Variants in CAMLG observed in about 807,000 individuals in gnomAD.
CAMLG encodes calcium modulating ligand.
In CAMLG, 23 loss-of-function variants were observed where a neutral mutation model predicts 28.9. The observed-to-expected ratio is 0.80, with a 90% confidence interval of 0.57 to 1.13. The LOEUF (loss-of-function observed/expected upper bound fraction) is 1.13. Among genes scored for constraint, CAMLG ranks in the 50% most tolerant of loss-of-function variants. The pLI is 0.00. For synonymous variants in CAMLG, 141 were observed against 146.5 expected (o/e 0.96, Z 0.27); for missense variants, 367 against 371.9 (o/e 0.99, Z 0.11).
chr5:134,738,931 G>T (rs770822137), intron 1 of CAMLG, 139 bp downstream of exon 1: 356 of 825,310 alleles, frequency 4.3e-4, no homozygotes, highest in Non-Finnish European at 6.4e-4. Flanking sequence ...CGCCCCTTCG[G>T]TGATATCCCA....
intron 1 of CAMLG, among the ~76,000 whole-genome samples, 195 bp from the exon 2 acceptor site, chr5:134,740,868 A>C (rs867995324): frequency 1.3e-4 from 20 of 152,288 alleles, no homozygotes; most frequent in Middle Eastern, 3.4e-3. Context: ...TCAGCCTCCC[A>C]AAGTGTTGGG....
Position 134,741,315 on chromosome 5 carries a change from A to G in CAMLG, c.425A>G (p.Asp142Gly). ...RQRNRGDLTA[D>G]SVQRGSRHGL... ...CGGAACAGAGGGGACCTGACAGCGG[A>G]CTCGGTCCAGAGGGGTTCCCGCCAT... The change falls in exon 2 of 4, where the codon GAC (aspartate) becomes GGC (glycine). Residue 142 changes from aspartate (D) to glycine (G), a missense_variant. Transcript: ENST00000297156. The G allele has an allele frequency of 1.2e-6, 2 of 1,614,124 alleles. No homozygotes were observed. Among genetic ancestry groups the G allele is most frequent in the South Asian group, 2.2e-5 (2 of 91,076 alleles).
chr5:134,741,802 C>T (rs965093375), intron 2 of CAMLG, among the ~76,000 whole-genome samples: 8 of 152,156 alleles, frequency 5.3e-5, no homozygotes, highest in Middle Eastern at 3.4e-3. Context: ...TGGATTTAGC[C>T]GGGCGTGGTG....
chr5:134,748,534 T>C (rs932634354), intron 3 of CAMLG, among the ~76,000 whole-genome samples: 19 of 152,072 alleles, frequency 1.2e-4, no homozygotes, highest in Admixed American at 1.3e-4. Context: ...CAAGACTACG[T>C]CTCAAACAAA....
intron 3 of CAMLG, among the ~76,000 whole-genome samples, chr5:134,750,036 AAGTC>A (rs1416801104): frequency 2.6e-5 from 4 of 152,158 alleles, no homozygotes; most frequent in Non-Finnish European, 4.4e-5. Flanking sequence ...ACTTCCTCTG[AAGTC>A]CTCCTTGTGC....
chr5:134,739,241 T>G (rs17713112), intron 1 of CAMLG, among the ~76,000 whole-genome samples: 7,264 of 152,248 alleles, frequency 0.048, 269 homozygotes, highest in Non-Finnish European at 0.064. Flanking sequence ...GCTGTGTAAC[T>G]CCTGTCCGCC....
At position 134,741,185 on chromosome 5, in the gene CAMLG, C is replaced by G; in HGVS notation, c.295C>G (p.Gln99Glu). The G allele has an allele frequency of 6.2e-7, 1 of 1,614,062 alleles. No homozygotes were observed. Among genetic ancestry groups the G allele is most frequent in the Non-Finnish European group, 8.5e-7 (1 of 1,179,928 alleles). ...AGTCAGTACAGGAACAACTGACCAG[C>G]AGGGTGGTGTGGCCGAGGTAAAGGG... ...DSVSTGTTDQ[Q>E]GGVAEVKGTQ... is the part of the protein sequence containing the mutation. Residue 99 changes from glutamine to glutamate, a missense_variant, in exon 2 of 4, where the codon CAG becomes GAG. Transcript: ENST00000297156.
chr5:134,746,545 G>A (rs1297137047), intron 3 of CAMLG, among the ~76,000 whole-genome samples: 3 of 151,952 alleles, frequency 2.0e-5, no homozygotes, highest in Admixed American at 6.6e-5. Context: ...GCAGTGGCAC[G>A]ATCTCAGCTC....
chr5:134,740,231 A>C (rs1752966698), intron 1 of CAMLG, among the ~76,000 whole-genome samples: 1 of 152,138 alleles, frequency 6.6e-6, no homozygotes, highest in South Asian at 2.1e-4. Flanking sequence ...ACCCCAGAGT[A>C]GTGTCTTAAA....
chr5:134,738,550 C>G lies in CAMLG; in HGVS notation c.-71C>G. On this transcript the variant is annotated 5_prime_UTR_variant, in exon 1 of 4. Coordinates refer to ENST00000297156, the MANE Select transcript of CAMLG (RefSeq NM_001745.4). Reference sequence around the variant, plus strand: ...GGACGCGCGCCCTGCGGCCCGGCCTCTAGTCATCGCCCTCGCAGCGGCGGC... The same window carrying G: ...GGACGCGCGCCCTGCGGCCCGGCCTGTAGTCATCGCCCTCGCAGCGGCGGC... 7.5e-7 allele frequency: 1 copy of G among 1,335,326 alleles called. No homozygotes were observed. Among genetic ancestry groups the G allele is most frequent in the Admixed American group, 2.7e-5 (1 of 36,934 alleles). The allele number at this position is 1,335,326 out of a possible 1,614,324, so 82.7% of individuals were successfully genotyped here. A position where few individuals can be genotyped will look rare whatever the true frequency, so the allele number is the denominator to read the frequency against.
At chr5:134,748,098 A>AT (rs1413111088) in intron 3 of CAMLG, among the ~76,000 whole-genome samples, 3 of 151,480 alleles carry the variant, frequency 2.0e-5, no homozygotes, top group African/African-American at 7.3e-5. Flanking sequence ...TCCTGACCTG[A>AT]TTATCTGCCC....
Position 134,750,997 on chromosome 5 carries a change from T to C in CAMLG, c.*47T>C. ...GAAGCTTACAAAAAAAAAAAAATCCTCTTCTATATTGCAGTGTCTCTAAAG... is the reference window on the plus strand; with the variant it reads ...GAAGCTTACAAAAAAAAAAAAATCCCCTTCTATATTGCAGTGTCTCTAAAG... On this transcript the variant is annotated 3_prime_UTR_variant, in exon 4 of 4. Coordinates refer to ENST00000297156, the MANE Select transcript of CAMLG (RefSeq NM_001745.4). 7.5e-7 allele frequency: 1 copy of C among 1,333,174 alleles called. No homozygotes were observed. The highest frequency in any genetic ancestry group is 1.3e-5 in the South Asian group (1 of 78,098). The allele number at this position is 1,333,174 out of a possible 1,614,324, so 82.6% of individuals were successfully genotyped here.
rs765623837 is a variant in CAMLG, at chr5:134,741,317, T to C, written c.427T>C (p.Ser143Pro). ...QRNRGDLTAD[S>P]VQRGSRHGLE... Reference sequence around the variant, plus strand: ...GAACAGAGGGGACCTGACAGCGGACTCGGTCCAGAGGGGTTCCCGCCATGG... The same window carrying C: ...GAACAGAGGGGACCTGACAGCGGACCCGGTCCAGAGGGGTTCCCGCCATGG... Residue 143 changes from serine (S) to proline (P), a missense_variant, in exon 2 of 4, where the codon TCG (serine) becomes CCG (proline). By Grantham distance (74) the Ser-to-Pro change is moderately conservative. Transcript: ENST00000297156. 3 of 1,614,188 alleles carry C rather than the reference T, an allele frequency of 1.9e-6. No individual in the cohort carries two copies. The highest frequency in any genetic ancestry group is 2.5e-6 in the Non-Finnish European group (3 of 1,180,016).
intron 3 of CAMLG, among the ~76,000 whole-genome samples, chr5:134,744,560 CT>C (rs918998063): frequency 6.1e-5 from 9 of 147,834 alleles, no homozygotes; most frequent in African/African-American, 1.8e-4. Flanking sequence ...TAATTAGAAA[CT>C]TTTATAGCAA....
intron 3 of CAMLG, among the ~76,000 whole-genome samples, chr5:134,748,397 GC>G (rs1753076028): frequency 6.6e-6 from 1 of 152,064 alleles, no homozygotes; most frequent in South Asian, 2.1e-4. Flanking sequence ...AATTTGCCGG[GC>G]ATGATGGTGG....
At chr5:134,739,243 C>G (rs1266291644) in intron 1 of CAMLG, among the ~76,000 whole-genome samples, 2 of 152,134 alleles carry the variant, frequency 1.3e-5, no homozygotes, top group African/African-American at 2.4e-5. Flanking sequence ...TGTGTAACTC[C>G]TGTCCGCCCA....
At chr5:134,742,236 C>G (rs890526546) in intron 2 of CAMLG, among the ~76,000 whole-genome samples, 1 of 152,056 alleles carries the variant, frequency 6.6e-6, no homozygotes, top group African/African-American at 2.4e-5. Context: ...TTCTACGGAC[C>G]TTTCTCATTG....
At chr5:134,744,249 C>G (rs889227307) in intron 3 of CAMLG, among the ~76,000 whole-genome samples, 197 bp downstream of exon 3, 1 of 152,080 alleles carries the variant, frequency 6.6e-6, no homozygotes. Flanking sequence ...ATTGGCCGGG[C>G]GCAGTGGCTC....
At position 134,741,167 on chromosome 5, in the gene CAMLG, A is replaced by G. The variant is rs1300474025; in HGVS notation, c.277A>G (p.Thr93Ala). ...AGTAGTGCTGGGTGATTCAGTCAGT[A>G]CAGGAACAACTGACCAGCAGGGTGG... ...KRVVLGDSVS[T>A]GTTDQQGGVA... The change falls in exon 2 of 4, where the codon ACA becomes GCA. Residue 93 changes from threonine to alanine, a missense_variant. Physicochemically the swap from Thr to Ala is moderately conservative, Grantham distance 58. Coordinates refer to ENST00000297156, the MANE Select transcript of CAMLG (RefSeq NM_001745.4). 1 of 1,613,842 alleles carries G rather than the reference A, an allele frequency of 6.2e-7. No homozygotes were observed. The highest frequency in any genetic ancestry group is 8.5e-7 in the Non-Finnish European group (1 of 1,179,810).
Sources: gnomAD v4.1 joint callset for allele counts (sites outside exome capture counted in the v4.1 genomes callset) on GRCh38, gnomAD v4.1.1 for gene constraint, MANE v1.5 for transcripts, NCBI Gene and HGNC (gene_info 2026-07-23, HGNC 2026-07-21) for gene names.